The following LRCH3 variants were observed in gnomAD, a reference collection of about 807,000 sequenced individuals.
The protein encoded by LRCH3 is DISP complex protein LRCH3.
Under a neutral mutation model 104.5 loss-of-function variants are expected in LRCH3, and 68 were observed. The ratio of observed to expected loss-of-function variants is 0.65; its 90% CI spans 0.54 to 0.80. The LOEUF is 0.80. LRCH3 is among the 30% of genes least tolerant of loss of function. The probability of loss-of-function intolerance (pLI) is 0.00; values close to 1 mark genes in which losing one functional copy is unlikely to be tolerated. For synonymous variants in LRCH3, 344 were observed against 361.3 expected (o/e 0.95, Z 0.54); for missense variants, 951 against 953.9 (o/e 1.00, Z 0.04).
intron 10 of LRCH3, among the ~76,000 whole-genome samples, chr3:197,840,302 G>T (rs1737605928): frequency 6.6e-6 from 1 of 152,122 alleles, no homozygotes; most frequent in Admixed American, 6.5e-5. Context: ...GCTGGGTGTG[G>T]TGGCACACGC....
Position 197,887,153 on chromosome 3 carries a change from C to G in LRCH3, c.*3487C>G, listed in dbSNP as rs1714263986. ...TCTTTTTTATGTCAAGATGCAAAAA[C>G]AAATCATGATGCTTTTGTTGGGAGA... On this transcript the variant is annotated 3_prime_UTR_variant, in exon 21 of 21. Transcript: ENST00000425562. 1 of 151,470 alleles carries G rather than the reference C, an allele frequency of 6.6e-6. No individual in the cohort carries two copies. Among genetic ancestry groups the G allele is most frequent in the South Asian group, 2.1e-4 (1 of 4,810 alleles). 9.4% of individuals were successfully genotyped at this position (151,470 alleles called of 1,614,324 possible).
intron 20 of LRCH3, among the ~76,000 whole-genome samples, chr3:197,880,191 C>T (rs528456337): frequency 1.6e-4 from 24 of 151,838 alleles, no homozygotes; most frequent in Admixed American, 2.6e-4. Flanking sequence ...GTGATCCACC[C>T]GCCTCGGCCT....
At chr3:197,843,031 G>A (rs1738040034) in intron 10 of LRCH3, among the ~76,000 whole-genome samples, 1 of 150,438 alleles carries the variant, frequency 6.6e-6, no homozygotes, top group Non-Finnish European at 1.5e-5. Flanking sequence ...GTTGCAGTGA[G>A]CCGAGATTGC....
At chr3:197,838,831 G>A (rs1737330441) in intron 9 of LRCH3, among the ~76,000 whole-genome samples, 1 of 152,128 alleles carries the variant, frequency 6.6e-6, no homozygotes, top group Admixed American at 6.5e-5. Flanking sequence ...ACACACTCAA[G>A]ACTGTTTGTA....
intron 20 of LRCH3, among the ~76,000 whole-genome samples, chr3:197,878,797 T>G (rs1713210712): frequency 3.3e-5 from 5 of 152,218 alleles, no homozygotes; most frequent in Admixed American, 3.3e-4. Context: ...CTCGTCTTCC[T>G]TTTTCTCCTG....
chr3:197,837,332 T>A (rs1736963606), intron 9 of LRCH3, among the ~76,000 whole-genome samples: 1 of 152,236 alleles, frequency 6.6e-6, no homozygotes, highest in African/African-American at 2.4e-5. Context: ...ATGCCTATTA[T>A]ACTACTATAA....
At position 197,804,241 on chromosome 3, in the gene LRCH3, G is replaced by A. The variant is rs146882985; in HGVS notation, c.263-10667G>A. On this transcript the variant is annotated intron_variant, in intron 1 of 20. Transcript: ENST00000425562. The stretch of plus-strand genomic sequence containing the variant: ...TTGTGCCACTGCAGTGGGCGACAGC[G>A]TAAGACCCTGTCTCAAAAAAAGAAA... Among the ~76,000 whole-genome samples, 14 of 151,660 alleles carry A rather than the reference G, an allele frequency of 9.2e-5. No individual in the cohort carries two copies. In the East Asian group the frequency reaches 1.2e-3, roughly 13 times the overall value.
chr3:197,817,057 CCT>C lies in LRCH3; in HGVS notation c.408-118_408-117del, dbSNP rs888180546. 2.8e-5 allele frequency: 24 copies of C among 849,354 alleles called. No individual in the cohort carries two copies. In the African/African-American group the frequency reaches 4.1e-4, roughly 14 times the overall value. 52.6% of individuals were successfully genotyped at this position (849,354 alleles called of 1,614,324 possible). On this transcript the variant is annotated intron_variant, in intron 2 of 20. Transcript: ENST00000425562. The stretch of plus-strand genomic sequence containing the variant: ...AAAACGAAGGCTAGAACTCCAGTAC[CCT>C]GTTTGTTTCTTGCAAGACTCATATT...
At chr3:197,838,879 T>C (rs891894899) in intron 9 of LRCH3, among the ~76,000 whole-genome samples, 1 of 152,156 alleles carries the variant, frequency 6.6e-6, no homozygotes, top group Admixed American at 6.5e-5. Context: ...GATGGATAAA[T>C]AAAGAAATGT....
intron 1 of LRCH3, among the ~76,000 whole-genome samples, chr3:197,809,377 T>A (rs1580583077): frequency 6.6e-6 from 1 of 152,082 alleles, no homozygotes; most frequent in Admixed American, 6.6e-5. Context: ...TGTCTTTGGG[T>A]TTATCCTCTT....
chr3:197,837,347 AT>A (rs1185600287), intron 9 of LRCH3, among the ~76,000 whole-genome samples: 1 of 152,228 alleles, frequency 6.6e-6, no homozygotes, highest in Non-Finnish European at 1.5e-5. Context: ...CTATAAAAAA[AT>A]AGTATTTCTT....
At chr3:197,834,185 GT>G (rs1401512492) in intron 8 of LRCH3, among the ~76,000 whole-genome samples, 2 of 151,466 alleles carry the variant, frequency 1.3e-5, no homozygotes, top group Non-Finnish European at 2.9e-5. Flanking sequence ...TTAGTAGGAA[GT>G]TTTTTTTTCT....
chr3:197,871,835 G>T (rs1712229627), intron 19 of LRCH3, among the ~76,000 whole-genome samples: 1 of 152,188 alleles, frequency 6.6e-6, no homozygotes, highest in African/African-American at 2.4e-5. Flanking sequence ...AGGATTTCTA[G>T]ATTCAGAAGC....
chr3:197,851,443 G>T (rs1739581541), intron 12 of LRCH3, among the ~76,000 whole-genome samples: 1 of 152,180 alleles, frequency 6.6e-6, no homozygotes, highest in Non-Finnish European at 1.5e-5. Context: ...GAAGGAAATT[G>T]CAATAGTTAG....
chr3:197,841,375 G>A (rs960971696), intron 10 of LRCH3, among the ~76,000 whole-genome samples: 1 of 152,130 alleles, frequency 6.6e-6, no homozygotes, highest in Non-Finnish European at 1.5e-5. Context: ...TTCAAACCAG[G>A]AATGACAGGC....
At chr3:197,835,958 T>C in intron 9 of LRCH3, 136 bp downstream of exon 9, 1 of 964,390 alleles carries the variant, frequency 1.0e-6, no homozygotes, top group Non-Finnish European at 1.5e-6. Flanking sequence ...CTGATTTCAG[T>C]CCTGAGTTTT....
intron 1 of LRCH3, among the ~76,000 whole-genome samples, chr3:197,812,586 A>G (rs535836554): frequency 1.5e-5 from 2 of 130,700 alleles, no homozygotes; most frequent in African/African-American, 5.8e-5. Flanking sequence ...ATCTCGGCTC[A>G]CTGCAACCAA....
intron 18 of LRCH3, among the ~76,000 whole-genome samples, chr3:197,870,700 C>G (rs1384077087): frequency 6.6e-6 from 1 of 150,696 alleles, no homozygotes; most frequent in African/African-American, 2.5e-5. Context: ...GGATTGCAGG[C>G]GTGAGCTTCC....
At chr3:197,825,915 T>G (rs1266748838) in intron 4 of LRCH3, among the ~76,000 whole-genome samples, 1 of 151,930 alleles carries the variant, frequency 6.6e-6, no homozygotes, top group Non-Finnish European at 1.5e-5. Flanking sequence ...TTCTGTGATT[T>G]TTAAAAAATA....
Sources: allele counts gnomAD v4.1 joint callset (sites outside exome capture counted in the v4.1 genomes callset), GRCh38; gene constraint gnomAD v4.1.1; transcripts MANE v1.5; gene names NCBI Gene and HGNC (gene_info 2026-07-23, HGNC 2026-07-21).